The following SNTG1 variants were observed in gnomAD, a reference collection of about 807,000 sequenced individuals.
SNTG1 encodes syntrophin gamma 1.
SNTG1 carries 39 observed loss-of-function variants against 74.7 expected under a neutral mutation model. The observed-to-expected ratio is 0.52, with a 90% CI of 0.40 to 0.68. SNTG1 has a LOEUF of 0.68. Among genes scored for constraint, SNTG1 ranks in the 30% least tolerant of loss-of-function variants. The pLI is 0.00. For synonymous variants in SNTG1, 254 were observed against 217.1 expected (o/e 1.17, Z -1.49); for missense variants, 685 against 609.5 (o/e 1.12, Z -1.30).
intron 1 of SNTG1, among the ~76,000 whole-genome samples, chr8:50,024,784 C>A (rs541388969): frequency 2.0e-5 from 3 of 151,996 alleles, no homozygotes; most frequent in Non-Finnish European, 4.4e-5. Context: ...CTCCTACTTG[C>A]GATGATGGAA....
At chr8:50,271,881 C>G (rs868845003) in intron 2 of SNTG1, among the ~76,000 whole-genome samples, 7 of 152,050 alleles carry the variant, frequency 4.6e-5, no homozygotes, top group African/African-American at 1.7e-4. Context: ...GGAGGTGGAG[C>G]CTTTTGAAAG....
intron 1 of SNTG1, among the ~76,000 whole-genome samples, chr8:49,927,929 A>G (rs1293492628): frequency 6.6e-6 from 1 of 151,888 alleles, no homozygotes; most frequent in African/African-American, 2.4e-5. Context: ...AGCCTAGCCA[A>G]CATAGTAAAA....
chr8:50,379,358 G>T (rs561214558), intron 2 of SNTG1, among the ~76,000 whole-genome samples: 8 of 152,188 alleles, frequency 5.3e-5, no homozygotes, highest in Non-Finnish European at 1.2e-4. Flanking sequence ...GAGATGCCTT[G>T]GTTTACAGCC....
intron 1 of SNTG1, among the ~76,000 whole-genome samples, chr8:50,112,204 A>G (rs1255527291): frequency 6.6e-6 from 1 of 152,158 alleles, no homozygotes. Context: ...TGCATTAAGA[A>G]CATAGATGTA....
intron 12 of SNTG1, among the ~76,000 whole-genome samples, chr8:50,582,585 T>C (rs2094617678): frequency 6.6e-6 from 1 of 152,040 alleles, no homozygotes; most frequent in South Asian, 2.1e-4. Flanking sequence ...GAAAGTATCA[T>C]CCTGTCTGAT....
At chr8:50,375,675 C>T (rs779550148) in intron 2 of SNTG1, among the ~76,000 whole-genome samples, 9 of 152,090 alleles carry the variant, frequency 5.9e-5, no homozygotes, top group African/African-American at 2.2e-4. Flanking sequence ...TCTGATAATA[C>T]GATGAACATT....
intron 8 of SNTG1, among the ~76,000 whole-genome samples, chr8:50,500,876 G>A (rs1009164749): frequency 4.6e-5 from 7 of 152,148 alleles, no homozygotes; most frequent in African/African-American, 1.7e-4. Context: ...CCCTGCTGTA[G>A]AGGAGGTAGG....
chr8:50,152,003 A>C (rs2131543335), intron 1 of SNTG1, among the ~76,000 whole-genome samples: 1 of 152,256 alleles, frequency 6.6e-6, no homozygotes, highest in South Asian at 2.1e-4. Flanking sequence ...TAATGTTGAC[A>C]GTGGGGTGTT....
intron 2 of SNTG1, among the ~76,000 whole-genome samples, chr8:50,319,483 G>T (rs13268522): frequency 0.55 from 83,408 of 152,054 alleles, 24,746 homozygotes; most frequent in East Asian, 0.84. Context: ...TCTTTAGGTT[G>T]TTCCAAATAT....
chr8:50,546,833 G>C (rs1361879284), intron 11 of SNTG1, among the ~76,000 whole-genome samples: 1 of 152,090 alleles, frequency 6.6e-6, no homozygotes, highest in Non-Finnish European at 1.5e-5. Context: ...CCAGGCTGGA[G>C]TGCAGTGGTG....
intron 1 of SNTG1, among the ~76,000 whole-genome samples, chr8:50,168,037 T>G (rs766651907): frequency 3.3e-5 from 5 of 151,864 alleles, no homozygotes; most frequent in African/African-American, 1.2e-4. Flanking sequence ...ATGTGGCTAC[T>G]TCTTGTGCTT....
At chr8:50,748,021 A>C (rs2095559079) in intron 17 of SNTG1, among the ~76,000 whole-genome samples, 1 of 152,036 alleles carries the variant, frequency 6.6e-6, no homozygotes, top group Non-Finnish European at 1.5e-5. Flanking sequence ...AAAAGCAAAA[A>C]CACACACTTT....
chr8:50,314,907 T>C (rs550244350), intron 2 of SNTG1, among the ~76,000 whole-genome samples: 2 of 149,864 alleles, frequency 1.3e-5, no homozygotes, highest in African/African-American at 5.0e-5. Flanking sequence ...TACTAGGTGA[T>C]CATTACCTTG....
chr8:50,191,094 C>T (rs1398757485), intron 2 of SNTG1, among the ~76,000 whole-genome samples: 1 of 152,106 alleles, frequency 6.6e-6, no homozygotes, highest in Non-Finnish European at 1.5e-5. Context: ...TGCCATATAT[C>T]ATACTTACGT....
At chr8:50,332,994 T>C (rs577121337) in intron 2 of SNTG1, among the ~76,000 whole-genome samples, 1 of 152,372 alleles carries the variant, frequency 6.6e-6, no homozygotes, top group South Asian at 2.1e-4. Context: ...AATGCAAATA[T>C]GGTAAAATAT....
chr8:50,324,041 T>C (rs764380989), intron 2 of SNTG1, among the ~76,000 whole-genome samples: 23 of 152,154 alleles, frequency 1.5e-4, no homozygotes, highest in Non-Finnish European at 3.2e-4. Flanking sequence ...AGGATTTGCC[T>C]AGCAATTGCA....
chr8:50,457,417 A>C (rs1250075299), intron 8 of SNTG1, among the ~76,000 whole-genome samples: 2 of 152,206 alleles, frequency 1.3e-5, no homozygotes, highest in African/African-American at 2.4e-5. Flanking sequence ...ACTCTTTCCG[A>C]ATTCTCTATC....
intron 18 of SNTG1, among the ~76,000 whole-genome samples, chr8:50,770,589 G>T (rs1385266150): frequency 2.6e-5 from 4 of 152,072 alleles, no homozygotes. Flanking sequence ...CTATCTGGAA[G>T]CTTCCTAGAG....
chr8:50,397,843 G>A (rs2092747573), intron 3 of SNTG1, among the ~76,000 whole-genome samples: 1 of 152,096 alleles, frequency 6.6e-6, no homozygotes, highest in East Asian at 1.9e-4. Context: ...TCTTCCTCTA[G>A]GTCCCTCTGC....
Sources: allele counts gnomAD v4.1 joint callset (sites outside exome capture counted in the v4.1 genomes callset), GRCh38; gene constraint gnomAD v4.1.1; transcripts MANE v1.5; gene names NCBI Gene and HGNC (gene_info 2026-07-23, HGNC 2026-07-21).